EMILIN2: variants seen among roughly 807,000 people sequenced by gnomAD.
EMILIN2 encodes the protein EMILIN-2.
A neutral mutation model predicts 87.1 loss-of-function variants in EMILIN2; 71 were observed. The observed-to-expected ratio is 0.82, with a 90% confidence interval of 0.67 to 0.99. The LOEUF is 0.99. Ranked by LOEUF, EMILIN2 falls within the 50% of genes least tolerant of loss-of-function variation. The pLI, the probability that EMILIN2 is intolerant of heterozygous loss-of-function variation, is 0.00. For synonymous variants in EMILIN2, 581 were observed against 563.4 expected (o/e 1.03, Z -0.44); for missense variants, 1,407 against 1,371.8 (o/e 1.03, Z -0.40).
chr18:2,908,891 G>A, intron 5 of EMILIN2, 52 bp from the exon 6 acceptor site: 1 of 1,610,484 alleles, frequency 6.2e-7, no homozygotes, highest in Non-Finnish European at 8.5e-7. Context: ...TCAGAACAAG[G>A]AGCTGGTGCT....
chr18:2,860,745 A>T (rs2076656767), intron 2 of EMILIN2, among the ~76,000 whole-genome samples: 1 of 152,254 alleles, frequency 6.6e-6, no homozygotes, highest in Non-Finnish European at 1.5e-5. Context: ...TCCTCTGGGT[A>T]CATACCCAGT....
At position 2,847,953 on chromosome 18, in the gene EMILIN2, C is replaced by A; in HGVS notation, c.257+22C>A. ...TGGTGTAAGTCCTGGAGCCGGGGAG[C>A]GGGCGGGGCGCGCCCGGGCCGGGGC... On this transcript the variant is annotated intron_variant, in intron 2 of 7. Coordinates refer to ENST00000254528, the MANE Select transcript of EMILIN2 (RefSeq NM_032048.3). The surrounding 1 kb of genome is among the most constrained non-coding windows in gnomAD (Gnocchi z 4.5). 1 of 1,354,862 alleles carries A rather than the reference C, an allele frequency of 7.4e-7. No individual in the cohort carries two copies. The allele number at this position is 1,354,862 out of a possible 1,614,324, so 83.9% of individuals were successfully genotyped here.
chr18:2,891,156 A>C lies in EMILIN2; in HGVS notation c.1029A>C (p.Ser343=). 6.2e-7 allele frequency: 1 copy of C among 1,614,236 alleles called. No homozygotes were observed. Among genetic ancestry groups the C allele is most frequent in the Non-Finnish European group, 8.5e-7 (1 of 1,180,046 alleles). The change falls in exon 4 of 8, where the codon TCA becomes TCC. Residue 343 remains serine, a synonymous_variant. Coordinates refer to ENST00000254528, the MANE Select transcript of EMILIN2 (RefSeq NM_032048.3). The surrounding 1 kb of genome is among the most constrained non-coding windows in gnomAD (Gnocchi z 4.6). The part of the protein sequence containing the change: ...MDRKLADLKN[S]CEYKLTGLQQ... ...GAAAGCTGGCTGACCTGAAAAACTCATGTGAGTACAAGCTCACTGGCCTCC... is the reference window on the plus strand; with the variant it reads ...GAAAGCTGGCTGACCTGAAAAACTCCTGTGAGTACAAGCTCACTGGCCTCC...
intron 2 of EMILIN2, among the ~76,000 whole-genome samples, chr18:2,864,945 T>G (rs938751405): frequency 6.6e-6 from 1 of 152,008 alleles, no homozygotes; most frequent in Non-Finnish European, 1.5e-5. Context: ...TAAACTTCTC[T>G]TCTCACTTCA....
chr18:2,911,955 A>C (rs2076942873), intron 7 of EMILIN2, among the ~76,000 whole-genome samples: 1 of 151,952 alleles, frequency 6.6e-6, no homozygotes, highest in South Asian at 2.1e-4. Context: ...TTGCTGTTCA[A>C]AGTTGGGAAG....
intron 4 of EMILIN2, among the ~76,000 whole-genome samples, chr18:2,898,076 T>C (rs1275025493): frequency 6.6e-6 from 1 of 152,102 alleles, no homozygotes; most frequent in African/African-American, 2.4e-5. Context: ...TTTTCACAGG[T>C]GCGGGGAGCA....
At chr18:2,873,190 C>T (rs2076729335) in intron 2 of EMILIN2, among the ~76,000 whole-genome samples, 1 of 152,146 alleles carries the variant, frequency 6.6e-6, no homozygotes, top group Non-Finnish European at 1.5e-5. Flanking sequence ...GCAGGTGGAT[C>T]ACCTGAGGTC....
In EMILIN2 at chr18:2,847,830, G is replaced by C; in HGVS notation, c.156G>C (p.Val52=). 6.2e-7 allele frequency: 1 copy of C among 1,613,490 alleles called. No homozygotes were observed. The highest frequency in any genetic ancestry group is 1.1e-5 in the South Asian group (1 of 91,072). ...ARNKNWCAYI[V]NKNVSCSVLE... ...CCAGGAACTGGTGCGCCTACATCGTGAACAAGAATGTGAGCTGCTCCGTGC... is the reference window on the plus strand; with the variant it reads ...CCAGGAACTGGTGCGCCTACATCGTCAACAAGAATGTGAGCTGCTCCGTGC... The change falls in exon 2 of 8, where the codon GTG becomes GTC. Residue 52 remains valine, a synonymous_variant. Transcript: ENST00000254528. This position sits in a 1 kb window ranked among gnomAD's most constrained non-coding sequence, Gnocchi z 4.5.
intron 2 of EMILIN2, among the ~76,000 whole-genome samples, chr18:2,882,250 G>C (rs955187617): frequency 6.6e-6 from 1 of 152,220 alleles, no homozygotes; most frequent in Non-Finnish European, 1.5e-5. Context: ...AACTGCCCGA[G>C]CAGCCCTTGT....
At chr18:2,849,524 C>G (rs2076592912) in intron 2 of EMILIN2, among the ~76,000 whole-genome samples, 1 of 152,098 alleles carries the variant, frequency 6.6e-6, no homozygotes, top group Non-Finnish European at 1.5e-5. Context: ...CTCAGTGAAA[C>G]TTGGCTGTCA....
chr18:2,908,723 C>G (rs909594726), intron 5 of EMILIN2, among the ~76,000 whole-genome samples: 1 of 152,144 alleles, frequency 6.6e-6, no homozygotes, highest in Non-Finnish European at 1.5e-5. Flanking sequence ...CTCTTCCCCG[C>G]CAGGGATAAA....
chr18:2,896,687 A>G (rs575488415), intron 4 of EMILIN2, among the ~76,000 whole-genome samples: 17 of 152,118 alleles, frequency 1.1e-4, no homozygotes, highest in African/African-American at 3.1e-4. Context: ...GGGTTTCACC[A>G]TGTTGCCCAG....
rs2076853410 is a variant in EMILIN2, at chr18:2,894,265, TG to T, written c.2359+1782del. Among the ~76,000 whole-genome samples, 1 of 151,812 alleles carries T rather than the reference TG, an allele frequency of 6.6e-6. No individual in the cohort carries two copies. The highest frequency in any genetic ancestry group is 1.9e-4 in the East Asian group (1 of 5,164). The stretch of plus-strand genomic sequence containing the variant: ...GAGGGTGGAGAGGGTCCGAGGTAGG[TG>T]GGAAAATGCCCTGGATGTCCCCAGA... On this transcript the variant is annotated intron_variant, in intron 4 of 7. Coordinates refer to ENST00000254528, the MANE Select transcript of EMILIN2 (RefSeq NM_032048.3). This position sits in a 1 kb window ranked among gnomAD's most constrained non-coding sequence, Gnocchi z 5.0.
rs1232482765 is a variant in EMILIN2 at position 2,909,017 on chromosome 18, T to C, written c.2695+42T>C. On this transcript the variant is annotated intron_variant, in intron 6 of 7. Transcript: ENST00000254528. ...ACCAGGAGCAGGAGGAGCGGTCTCC[T>C]TGGTGGCCTCTGCCCCTCCTCTGCA... 1.9e-6 allele frequency: 3 copies of C among 1,611,154 alleles called. No homozygotes were observed. In the East Asian group the frequency reaches 6.7e-5, roughly 36 times the overall value.
chr18:2,873,280 C>T (rs183839220), intron 2 of EMILIN2, among the ~76,000 whole-genome samples: 371 of 152,152 alleles, frequency 2.4e-3, no homozygotes, highest in African/African-American at 8.5e-3. Context: ...CATGGTGGCA[C>T]ATGCCTGTAA....
At chr18:2,873,273 G>C (rs1490219231) in intron 2 of EMILIN2, among the ~76,000 whole-genome samples, 1 of 151,954 alleles carries the variant, frequency 6.6e-6, no homozygotes, top group African/African-American at 2.4e-5. Context: ...ACCCAGACAT[G>C]GTGGCACATG....
At chr18:2,912,549 C>T (rs2076946373) in intron 7 of EMILIN2, among the ~76,000 whole-genome samples, 1 of 152,212 alleles carries the variant, frequency 6.6e-6, no homozygotes, top group Non-Finnish European at 1.5e-5. Context: ...TTCCACCTTC[C>T]TCACCTTTGG....
chr18:2,873,685 C>T (rs1010978399), intron 2 of EMILIN2, among the ~76,000 whole-genome samples: 22 of 151,456 alleles, frequency 1.5e-4, no homozygotes, highest in Middle Eastern at 3.4e-3. Flanking sequence ...CCAGCCTGGG[C>T]GACAGAGCAA....
In EMILIN2 at chr18:2,880,229, A is replaced by T. The variant is rs1422117010; in HGVS notation, c.258-4735A>T. Among the ~76,000 whole-genome samples, 1 of 152,022 alleles carries T rather than the reference A, an allele frequency of 6.6e-6. No homozygotes were observed. Among genetic ancestry groups the T allele is most frequent in the African/African-American group, 2.4e-5 (1 of 41,368 alleles). ...ACTGTCATTTTGTTTTAACAGGGAC[A>T]CTTCCAGTCATATGGTCCCTGGACG... On this transcript the variant is annotated intron_variant, in intron 2 of 7. Transcript: ENST00000254528. This position sits in a 1 kb window ranked among gnomAD's most constrained non-coding sequence, Gnocchi z 4.1.
Sources: gnomAD v4.1 joint callset for allele counts (sites outside exome capture counted in the v4.1 genomes callset) on GRCh38, gnomAD v4.1.1 for gene constraint, Gnocchi (gnomAD v3.1) non-coding constraint, MANE v1.5 for transcripts, NCBI Gene and HGNC (gene_info 2026-07-23, HGNC 2026-07-21) for gene names.